Variants in SYT14 observed in about 807,000 individuals in gnomAD.
SYT14 encodes synaptotagmin 14, also known as synaptotagmin-14.
A neutral mutation model predicts 74.2 loss-of-function variants in SYT14; 32 were observed. That is an observed-to-expected ratio of 0.43 (90% CI 0.33 to 0.58). SYT14 has a LOEUF of 0.58. SYT14 is among the 20% of genes least tolerant of loss of function. SYT14 has a pLI of 0.05. For missense variants in SYT14, 791 were observed against 981.8 expected, an observed-to-expected ratio of 0.81 and a Z score of 2.60; for synonymous variants, 298 against 337.7, an observed-to-expected ratio of 0.88 and a Z score of 1.29.
At chr1:210,102,006 G>C (rs2082076671) in intron 7 of SYT14, among the ~76,000 whole-genome samples, 1 of 152,136 alleles carries the variant, frequency 6.6e-6, no homozygotes, top group African/African-American at 2.4e-5. Flanking sequence ...TTAGCTTCTA[G>C]TCATTGATTC....
chr1:210,166,067 G>A (rs2083452187), exon 10 of SYT14: 1 of 152,120 alleles, frequency 6.6e-6, no homozygotes, highest in South Asian at 2.1e-4. Context: ...TTAAGATAGG[G>A]GCATGCATAG....
chr1:209,948,048 A>ACAGT (rs1218247742), intron 1 of SYT14, among the ~76,000 whole-genome samples: 1 of 152,236 alleles, frequency 6.6e-6, no homozygotes, highest in Non-Finnish European at 1.5e-5. Flanking sequence ...TTAATAGACT[A>ACAGT]CAGTCTAGTG....
chr1:210,101,944 T>A (rs952320027), intron 7 of SYT14, among the ~76,000 whole-genome samples: 1 of 152,220 alleles, frequency 6.6e-6, no homozygotes, highest in Non-Finnish European at 1.5e-5. Context: ...AATAATACTG[T>A]CTTATCTCTG....
chr1:210,074,132 C>T (rs2081445988), intron 5 of SYT14, among the ~76,000 whole-genome samples: 1 of 152,092 alleles, frequency 6.6e-6, no homozygotes, highest in Non-Finnish European at 1.5e-5. Context: ...CCTTTCTGAG[C>T]CTCACCTACC....
chr1:210,070,366 C>G (rs2081370419), intron 5 of SYT14, among the ~76,000 whole-genome samples: 1 of 152,100 alleles, frequency 6.6e-6, no homozygotes, highest in African/African-American at 2.4e-5. Flanking sequence ...ATCCCTTATT[C>G]TATTCCACTT....
At chr1:210,134,309 G>A (rs1269363443) in intron 7 of SYT14, among the ~76,000 whole-genome samples, 1 of 151,994 alleles carries the variant, frequency 6.6e-6, no homozygotes, top group East Asian at 1.9e-4. Context: ...GTCTCACTAT[G>A]TTGCCAGGGC....
intron 7 of SYT14, among the ~76,000 whole-genome samples, chr1:210,131,342 T>A (rs77160124): frequency 0.015 from 2,229 of 152,176 alleles, 67 homozygotes; most frequent in African/African-American, 0.052. Flanking sequence ...TGAGTAATTT[T>A]AAAAAATTTT....
In SYT14 at chr1:210,031,386, C is replaced by T. The variant is rs545876510; in HGVS notation, c.1312+10132C>T. ...CATGGAGATATTGGTCTGTAGTTTT[C>T]TTTTCTTGTAATGTCTTTGGTATTA... On this transcript the variant is annotated intron_variant, in intron 5 of 9. Coordinates refer to ENST00000637265, the Ensembl canonical transcript of SYT14. 2.0e-5 allele frequency among the ~76,000 whole-genome samples: 3 copies of T among 151,982 alleles called. No individual in the cohort carries two copies. In the East Asian group the frequency reaches 5.8e-4, roughly 29 times the overall value.
intron 2 of SYT14, among the ~76,000 whole-genome samples, chr1:209,980,108 A>T (rs985934864): frequency 3.9e-5 from 6 of 152,116 alleles, no homozygotes; most frequent in African/African-American, 1.4e-4. Context: ...CTCTAGAACC[A>T]TGCCAGCATC....
chr1:210,121,418 A>G (rs1338557933), intron 7 of SYT14, among the ~76,000 whole-genome samples: 1 of 152,244 alleles, frequency 6.6e-6, no homozygotes, highest in Non-Finnish European at 1.5e-5. Context: ...TTATTACAAC[A>G]GAAGTAGCTA....
At chr1:209,947,024 A>G (rs2078833859) in intron 1 of SYT14, among the ~76,000 whole-genome samples, 1 of 152,206 alleles carries the variant, frequency 6.6e-6, no homozygotes, top group Admixed American at 6.5e-5. Flanking sequence ...ACATCTGTTT[A>G]CAGCATGGTT....
chr1:210,022,854 T>C (rs2080331258), intron 5 of SYT14, among the ~76,000 whole-genome samples: 1 of 152,098 alleles, frequency 6.6e-6, no homozygotes, highest in Non-Finnish European at 1.5e-5. Context: ...TTCATTTCTC[T>C]TTCCTCTCAC....
At chr1:209,963,034 G>A (rs1323645438) in intron 2 of SYT14, among the ~76,000 whole-genome samples, 1 of 152,102 alleles carries the variant, frequency 6.6e-6, no homozygotes, top group African/African-American at 2.4e-5. Flanking sequence ...GCATTATTCA[G>A]TTGAGTTATG....
At chr1:210,152,097 A>G (rs1044342185) in intron 7 of SYT14, among the ~76,000 whole-genome samples, 7 of 152,218 alleles carry the variant, frequency 4.6e-5, no homozygotes, top group African/African-American at 1.7e-4. Flanking sequence ...TATTTTCATA[A>G]GTGATGATAT....
At chr1:210,004,221 C>G (rs2079950827) in intron 2 of SYT14, among the ~76,000 whole-genome samples, 2 of 151,978 alleles carry the variant, frequency 1.3e-5, no homozygotes, top group African/African-American at 4.8e-5. Flanking sequence ...TATTGAATTT[C>G]ACTTTGTTTT....
chr1:210,115,538 G>C (rs1377706604), intron 7 of SYT14, among the ~76,000 whole-genome samples: 1 of 151,214 alleles, frequency 6.6e-6, no homozygotes, highest in Admixed American at 6.6e-5. Context: ...CCGGAGTTTT[G>C]GGTTCATGGA....
intron 2 of SYT14, among the ~76,000 whole-genome samples, chr1:209,977,573 CA>C (rs2079391582): frequency 1.3e-5 from 2 of 152,190 alleles, no homozygotes; most frequent in South Asian, 4.1e-4. Context: ...GCCGAGAGAT[CA>C]GCTGTTAGTC....
chr1:210,160,921 T>C (rs1357909325), exon 10 of SYT14: 9 of 1,614,008 alleles, frequency 5.6e-6, no homozygotes, highest in Admixed American at 1.7e-5. Flanking sequence ...AGAAAAGAGA[T>C]GATAGGCTGG....
At chr1:210,006,548 T>C (rs1649652217) in intron 2 of SYT14, among the ~76,000 whole-genome samples, 1 of 152,072 alleles carries the variant, frequency 6.6e-6, no homozygotes, top group South Asian at 2.1e-4. Flanking sequence ...AGAGATAGAA[T>C]TGCATCTATT....
Sources: allele counts gnomAD v4.1 joint callset (sites outside exome capture counted in the v4.1 genomes callset), GRCh38; gene constraint gnomAD v4.1.1; transcripts MANE v1.5; gene names NCBI Gene and HGNC (gene_info 2026-07-23, HGNC 2026-07-21).